The following CENPL variants were observed in gnomAD, a reference collection of about 807,000 sequenced individuals.
CENPL encodes the protein centromere protein L.
In CENPL, 20 loss-of-function variants were observed where a neutral mutation model predicts 35.2. The observed-to-expected ratio is 0.57, with a 90% confidence interval of 0.40 to 0.83. The LOEUF is 0.83. CENPL is among the 40% of genes least tolerant of loss of function. The pLI, the probability that CENPL is intolerant of heterozygous loss-of-function variation, is 0.00. For synonymous variants in CENPL, 140 were observed against 140.6 expected (o/e 1.00, Z 0.03); for missense variants, 363 against 395.8 (o/e 0.92, Z 0.70).
intron 2 of CENPL, among the ~76,000 whole-genome samples, chr1:173,815,346 A>G (rs1038818785): frequency 2.6e-5 from 4 of 152,218 alleles, no homozygotes; most frequent in African/African-American, 7.2e-5. Context: ...TGAGGCCAGC[A>G]TCATCCTGAT....
At chr1:173,801,840 G>T (rs1011642746) in intron 5 of CENPL, among the ~76,000 whole-genome samples, 3 of 151,272 alleles carry the variant, frequency 2.0e-5, no homozygotes, top group African/African-American at 7.3e-5. Flanking sequence ...AATAAATAAA[G>T]ATAAAAATAG....
rs181444155 is a variant in CENPL at position 173,819,948 on chromosome 1, A to G, written c.-8+3978T>C. ...GGTCTTGAACTCCTGACCTCAGGTG[A>G]TCCACCAGCCTCCCAAAGTGTTGGG... On this transcript the variant is annotated intron_variant, in intron 2 of 5. Transcript: ENST00000682279. Among the ~76,000 whole-genome samples, 527 of 151,866 alleles carry G rather than the reference A, an allele frequency of 3.5e-3. 3 individuals carry two copies. Among genetic ancestry groups the G allele is most frequent in the Non-Finnish European group, 5.5e-3 (374 of 67,944 alleles).
intron 5 of CENPL, among the ~76,000 whole-genome samples, chr1:173,800,823 G>A (rs1253969597): frequency 6.6e-6 from 1 of 152,000 alleles, no homozygotes; most frequent in Non-Finnish European, 1.5e-5. Context: ...CAGGTGTAAT[G>A]GTATACACCT....
At chr1:173,811,072 A>T in intron 3 of CENPL, 60 bp downstream of exon 3, 1 of 1,486,202 alleles carries the variant, frequency 6.7e-7, no homozygotes, top group Non-Finnish European at 9.2e-7. Context: ...AAAAATTGAA[A>T]TGTTTTGTTC....
At chr1:173,800,548 A>T in intron 5 of CENPL, 29 bp from the exon 6 acceptor site, 1 of 891,964 alleles carries the variant, frequency 1.1e-6, no homozygotes, top group Non-Finnish European at 1.8e-6. Context: ...GGAGACATTT[A>T]AAATTAGAAT....
chr1:173,814,018 G>T (rs1190155303), intron 2 of CENPL, among the ~76,000 whole-genome samples: 1 of 152,028 alleles, frequency 6.6e-6, no homozygotes, highest in Non-Finnish European at 1.5e-5. Context: ...AAAAGCAGGG[G>T]TTGCAATCCT....
rs1184050135 is a variant in CENPL at position 173,800,516 on chromosome 1, G to C, written c.967C>G (p.Leu323Val). 2 of 1,396,056 alleles carry C rather than the reference G, an allele frequency of 1.4e-6. No individual in the cohort carries two copies. The highest frequency in any genetic ancestry group is 4.6e-5 in the East Asian group (2 of 43,752). 86.5% of individuals were successfully genotyped at this position (1,396,056 alleles called of 1,614,324 possible). The change falls in exon 6 of 6, where the codon CTG becomes GTG. Residue 323 changes from leucine to valine, a missense_variant. Coordinates refer to ENST00000682279, the MANE Select transcript of CENPL (RefSeq NM_001387287.1). ...ACTCCAATAAGGTATTTATGACACAGAATCTGCAAAAAGAAAAAGAAGGAG... is the reference window on the plus strand; with the variant it reads ...ACTCCAATAAGGTATTTATGACACACAATCTGCAAAAAGAAAAAGAAGGAG... ...SAHTDGKIKILCHKYLIGVLA... is the reference protein window; with the variant it reads ...SAHTDGKIKIVCHKYLIGVLA...
chr1:173,811,704 T>C (rs1207889607), intron 2 of CENPL, among the ~76,000 whole-genome samples: 2 of 152,254 alleles, frequency 1.3e-5, no homozygotes, highest in East Asian at 3.9e-4. Context: ...AGTTCCAAGA[T>C]GGCTGAATAG....
At position 173,800,520 on chromosome 1, in the gene CENPL, C is replaced by A; in HGVS notation, c.964-1G>T. On this transcript the variant is annotated splice_acceptor_variant, in intron 5 of 5. Coordinates refer to ENST00000682279, the MANE Select transcript of CENPL (RefSeq NM_001387287.1). LOFTEE classifies it high-confidence loss of function. ...CAATAAGGTATTTATGACACAGAATCTGCAAAAAGAAAAAGAAGGAGACAT... is the reference window on the plus strand; with the variant it reads ...CAATAAGGTATTTATGACACAGAATATGCAAAAAGAAAAAGAAGGAGACAT... The A allele has an allele frequency of 7.4e-7, 1 of 1,357,480 alleles. No individual in the cohort carries two copies. Among genetic ancestry groups the A allele is most frequent in the South Asian group, 1.2e-5 (1 of 81,150 alleles). The allele number at this position is 1,357,480 out of a possible 1,614,324, so 84.1% of individuals were successfully genotyped here.
chr1:173,806,016 T>C (rs756132910), intron 4 of CENPL, among the ~76,000 whole-genome samples: 13 of 152,182 alleles, frequency 8.5e-5, no homozygotes, highest in Non-Finnish European at 2.9e-5. Context: ...TTGCTGGCAA[T>C]ATGGGCTCTG....
Position 173,800,470 on chromosome 1 carries a change from A to G in CENPL, c.1013T>C (p.Leu338Pro). The change falls in exon 6 of 6, where the codon CTG (leucine) becomes CCG (proline). Residue 338 changes from leucine (L) to proline (P), a missense_variant. Physicochemically the swap from Leu to Pro is moderately conservative, Grantham distance 98 (BLOSUM62 -3). Coordinates refer to ENST00000682279, the MANE Select transcript of CENPL (RefSeq NM_001387287.1). ...GCTTCACTCAATTTGAAAAATTGCC[A>G]GTTCTGTCAAATATGCTAACACTCC... ...LIGVLAYLTE[L>P]AIFQIE The G allele has an allele frequency of 1.4e-6, 2 of 1,480,040 alleles. No homozygotes were observed. Among genetic ancestry groups the G allele is most frequent in the Non-Finnish European group, 1.9e-6 (2 of 1,059,598 alleles). 91.7% of individuals were successfully genotyped at this position (1,480,040 alleles called of 1,614,324 possible).
rs148884282 is a variant in CENPL at position 173,814,497 on chromosome 1, T to C, written c.-7-3191A>G. ...CAACAAACTGTCTCTCAGACCACAG[T>C]ACAATCAAATTAGAACTCAGGATTA... On this transcript the variant is annotated intron_variant, in intron 2 of 5. Transcript: ENST00000682279. 6.8e-3 allele frequency among the ~76,000 whole-genome samples: 1,030 copies of C among 152,268 alleles called. 1 individual carries two copies. The highest frequency in any genetic ancestry group is 9.8e-3 in the Non-Finnish European group (666 of 68,032).
Position 173,801,052 on chromosome 1 carries a change from A to C in CENPL, c.964-533T>G, listed in dbSNP as rs181892145. ...AAATTATTTCCCAACCTACTGTTGC[A>C]CTGTGACCTCCAGTTTGAAAAACAT... On this transcript the variant is annotated intron_variant, in intron 5 of 5. Transcript: ENST00000682279. Among the ~76,000 whole-genome samples the C allele has an allele frequency of 6.1e-4, 93 of 152,192 alleles. No homozygotes were observed. In the East Asian group the frequency reaches 8.1e-3, roughly 13 times the overall value.
At chr1:173,804,818 C>A (rs7516013) in intron 4 of CENPL, among the ~76,000 whole-genome samples, 3,750 of 152,246 alleles carry the variant, frequency 0.025, 168 homozygotes, top group African/African-American at 0.087. Context: ...GACAAACATG[C>A]CTTCCGGATA....
intron 2 of CENPL, among the ~76,000 whole-genome samples, chr1:173,821,012 A>T (rs1651893666): frequency 1.3e-5 from 2 of 152,246 alleles, no homozygotes; most frequent in Admixed American, 1.3e-4. Flanking sequence ...CAATTTAAAT[A>T]GCAGCTATTC....
chr1:173,823,817 A>G (rs1460214343), intron 2 of CENPL, 109 bp downstream of exon 2: 2 of 152,224 alleles, frequency 1.3e-5, no homozygotes, highest in Non-Finnish European at 2.9e-5. Flanking sequence ...AGTGTTAAGC[A>G]CGTAGTGTTT....
At chr1:173,815,329 C>T (rs1292840765) in intron 2 of CENPL, among the ~76,000 whole-genome samples, 1 of 152,178 alleles carries the variant, frequency 6.6e-6, no homozygotes, top group African/African-American at 2.4e-5. Flanking sequence ...CTCCCTAACT[C>T]ATTTTATGAG....
chr1:173,816,872 G>A (rs530430880), intron 2 of CENPL, among the ~76,000 whole-genome samples: 1 of 152,188 alleles, frequency 6.6e-6, no homozygotes, highest in Non-Finnish European at 1.5e-5. Flanking sequence ...GGGCGCAGTG[G>A]CTCACGCCTG....
Position 173,803,254 on chromosome 1 carries a change from C to T in CENPL, c.672G>A (p.Met224Ile), listed in dbSNP as rs1316412659. The change falls in exon 5 of 6, where the codon ATG (methionine) becomes ATA (isoleucine). Residue 224 changes from methionine to isoleucine, a missense_variant. By Grantham distance (10) the Met-to-Ile change is conservative. Transcript: ENST00000682279. Reference sequence around the variant, plus strand: ...AATGGTCCATTTTGCATGCAGTCCACATGGCAGCCATCCAGGAAAGATTAA... The same window carrying T: ...AATGGTCCATTTTGCATGCAGTCCATATGGCAGCCATCCAGGAAAGATTAA... ...NAFNLSWMAA[M>I]WTACKMDHYV... 1.9e-6 allele frequency: 3 copies of T among 1,613,958 alleles called. No individual in the cohort carries two copies. The highest frequency in any genetic ancestry group is 2.5e-6 in the Non-Finnish European group (3 of 1,179,820).
Sources: gnomAD v4.1 joint callset for allele counts (sites outside exome capture counted in the v4.1 genomes callset) on GRCh38, gnomAD v4.1.1 for gene constraint, MANE v1.5 for transcripts, NCBI Gene and HGNC (gene_info 2026-07-23, HGNC 2026-07-21) for gene names.